Variants in CTNNB1 observed in about 807,000 individuals in gnomAD.
The protein encoded by CTNNB1 is catenin beta 1.
In CTNNB1, 6 loss-of-function variants were observed where a neutral mutation model predicts 82.5. The ratio of observed to expected loss-of-function variants is 0.07; its 90% CI spans 0.04 to 0.14. The LOEUF (loss-of-function observed/expected upper bound fraction) is 0.14, where lower values mean the gene tolerates loss of function less well. CTNNB1 is among the 10% of genes least tolerant of loss of function. The probability of loss-of-function intolerance (pLI) is 1.00; values close to 1 mark genes in which losing one functional copy is unlikely to be tolerated. For synonymous variants in CTNNB1, 312 were observed against 329.7 expected (o/e 0.95, Z 0.58); for missense variants, 529 against 980.4 (o/e 0.54, Z 6.15).
chr3:41,235,987 A>T, intron 11 of CTNNB1, 144 bp downstream of exon 11: 1 of 1,045,092 alleles, frequency 9.6e-7, no homozygotes, highest in Non-Finnish European at 1.5e-6. Flanking sequence ...TTTGGTCAGT[A>T]AGAGAAACAT....
intron 13 of CTNNB1, 143 bp downstream of exon 13, chr3:41,236,852 C>A: frequency 1.9e-6 from 2 of 1,042,448 alleles, no homozygotes; most frequent in Non-Finnish European, 2.9e-6. Flanking sequence ...TGCTGTCTAG[C>A]AACTGCTCTG....
intron 7 of CTNNB1, among the ~76,000 whole-genome samples, chr3:41,228,579 T>A (rs552828639): frequency 2.8e-4 from 43 of 152,332 alleles, no homozygotes; most frequent in African/African-American, 8.2e-4. Context: ...TCTTTTTTGC[T>A]TGTTAATTTA....
At chr3:41,231,160 T>C (rs2078297579) in intron 7 of CTNNB1, among the ~76,000 whole-genome samples, 1 of 152,026 alleles carries the variant, frequency 6.6e-6, no homozygotes, top group South Asian at 2.1e-4. Flanking sequence ...ACCCCATCTC[T>C]ACTAAAAATA....
intron 1 of CTNNB1, among the ~76,000 whole-genome samples, chr3:41,205,914 C>T (rs892627885): frequency 1.3e-5 from 2 of 152,136 alleles, no homozygotes; most frequent in Non-Finnish European, 2.9e-5. Flanking sequence ...CATGAGACTT[C>T]GTGGAACCAC....
intron 1 of CTNNB1, among the ~76,000 whole-genome samples, chr3:41,211,614 A>G (rs1284286026): frequency 6.6e-6 from 1 of 152,184 alleles, no homozygotes; most frequent in Non-Finnish European, 1.5e-5. Context: ...TCTTGTGAGA[A>G]CATGTGGCAT....
At chr3:41,235,958 A>T (rs1245832944) in intron 11 of CTNNB1, 115 bp downstream of exon 11, 6 of 1,295,326 alleles carry the variant, frequency 4.6e-6, no homozygotes, top group Admixed American at 1.7e-5. Flanking sequence ...ATTTAATTTT[A>T]TGAAAATTCC....
At chr3:41,206,634 CCT>C (rs779611157) in intron 1 of CTNNB1, among the ~76,000 whole-genome samples, 7 of 151,938 alleles carry the variant, frequency 4.6e-5, no homozygotes, top group South Asian at 2.1e-4. Context: ...AACTGTACTC[CCT>C]CTCTCTCTTT....
In CTNNB1 at chr3:41,224,008, T is replaced by C. The variant is rs1348825458; in HGVS notation, c.-48-13T>C. The C allele has an allele frequency of 2.7e-5, 43 of 1,572,404 alleles. No homozygotes were observed. The Admixed American group carries it at 7.2e-4, about 26-fold the overall frequency. The stretch of plus-strand genomic sequence containing the variant: ...AATTTAAATCCTAATGACTTTTGAT[T>C]AACTTTTTTTAGGGTATTTGAAGTA... On this transcript the variant is annotated splice_polypyrimidine_tract_variant and intron_variant, in intron 1 of 14. Coordinates refer to ENST00000349496, the MANE Select transcript of CTNNB1 (RefSeq NM_001904.4).
chr3:41,213,715 A>G (rs2077850787), intron 1 of CTNNB1, among the ~76,000 whole-genome samples: 1 of 152,200 alleles, frequency 6.6e-6, no homozygotes. Context: ...ACAAAAAAAT[A>G]TATACTACTG....
intron 1 of CTNNB1, among the ~76,000 whole-genome samples, chr3:41,219,585 C>T (rs929167130): frequency 6.6e-6 from 1 of 152,016 alleles, no homozygotes; most frequent in Admixed American, 6.5e-5. Flanking sequence ...GTAGGATGGG[C>T]GGGTGATGGT....
Position 41,234,916 on chromosome 3 carries a change from A to G in CTNNB1, c.1683+619A>G, listed in dbSNP as rs11564459. 152 of 159,406 alleles carry G rather than the reference A, an allele frequency of 9.5e-4. 2 individuals are homozygous for G. In the East Asian group the frequency reaches 0.027, roughly 29 times the overall value. 9.9% of individuals were successfully genotyped at this position (159,406 alleles called of 1,614,324 possible). A position where few individuals can be genotyped will look rare whatever the true frequency, so the allele number is the denominator to read the frequency against. On this transcript the variant is annotated intron_variant, in intron 10 of 14. Transcript: ENST00000349496. ...AGTTTAGAAAACAAAGATGGAGCCT[A>G]CCAGAACAGATGTTAGGAATCTCAT...
Position 41,234,220 on chromosome 3 carries a change from C to T in CTNNB1, c.1606C>T (p.Leu536=), listed in dbSNP as rs1306666434. 6.2e-7 allele frequency: 1 copy of T among 1,614,184 alleles called. No homozygotes were observed. The change falls in exon 10 of 15, where the codon CTA becomes TTA. Residue 536 remains leucine, a synonymous_variant. Transcript: ENST00000349496. The part of the protein sequence containing the change: ...PLREQGAIPR[L]VQLLVRAHQD... ...GCGTGAGCAGGGTGCCATTCCACGA[C>T]TAGTTCAGTTGCTTGTTCGTGCACA...
In CTNNB1 at chr3:41,233,597, C is replaced by G. The variant is rs2125639052; in HGVS notation, c.1254C>G (p.Thr418=). The change falls in exon 9 of 15, where the codon ACC becomes ACG. Residue 418 remains threonine, a synonymous_variant. Coordinates refer to ENST00000349496, the MANE Select transcript of CTNNB1 (RefSeq NM_001904.4). ...GTTCAGATGATATAAATGTGGTCAC[C>G]TGTGCAGCTGGAATTCTTTCTAACC... ...LLGSDDINVV[T]CAAGILSNLT... is the part of the protein sequence containing the mutation. 1 of 1,614,148 alleles carries G rather than the reference C, an allele frequency of 6.2e-7. No individual in the cohort carries two copies. Among genetic ancestry groups the G allele is most frequent in the Admixed American group, 1.7e-5 (1 of 60,022 alleles).
In CTNNB1 at chr3:41,236,363, C is replaced by T; in HGVS notation, c.1818C>T (p.Pro606=). 6.2e-7 allele frequency: 1 copy of T among 1,614,132 alleles called. No homozygotes were observed. Among genetic ancestry groups the T allele is most frequent in the Non-Finnish European group, 8.5e-7 (1 of 1,180,008 alleles). ...IPLFVQLLYS[P]IENIQRVAAG... is the part of the protein sequence containing the mutation. ...TTTCTCCTTAGCTGCTTTATTCTCC[C>T]ATTGAAAACATCCAAAGAGTAGCTG... is the stretch of plus-strand genomic sequence containing the variant. Residue 606 remains proline (P), a synonymous_variant, in exon 12 of 15, where the codon CCC becomes CCT. Transcript: ENST00000349496.
At chr3:41,238,306 A>AC (rs976086989) in intron 14 of CTNNB1, 1 of 564,012 alleles carries the variant, frequency 1.8e-6, no homozygotes, top group African/African-American at 1.9e-5. Context: ...AATACATGCT[A>AC]CTGCTAGGCC....
At position 41,227,200 on chromosome 3, in the gene CTNNB1, C is replaced by T. The variant is rs1462094525; in HGVS notation, c.937-8C>T. The T allele has an allele frequency of 8.1e-6, 13 of 1,599,530 alleles. No homozygotes were observed. Among genetic ancestry groups the T allele is most frequent in the Non-Finnish European group, 1.1e-5 (13 of 1,167,260 alleles). On this transcript the variant is annotated splice_region_variant and splice_polypyrimidine_tract_variant and intron_variant, in intron 6 of 14. Coordinates refer to ENST00000349496, the MANE Select transcript of CTNNB1 (RefSeq NM_001904.4). ...TGACTAACAAGATATATATATATAT[C>T]TTTCTAGCTCATCATACTGGCTAGT...
Position 41,240,273 on chromosome 3 carries a change from T to TG in CTNNB1, c.*934dup, listed in dbSNP as rs1181325624. ...TTCATGTTTTTGATCAAAAACTATT[T>TG]GGGATATGTATGGGTAGGGTAAATC... On this transcript the variant is annotated 3_prime_UTR_variant, in exon 15 of 15. Coordinates refer to ENST00000349496, the MANE Select transcript of CTNNB1 (RefSeq NM_001904.4). 2 of 193,508 alleles carry TG rather than the reference T, an allele frequency of 1.0e-5. No individual in the cohort carries two copies. The highest frequency in any genetic ancestry group is 4.6e-5 in the African/African-American group (2 of 43,214). 12.0% of individuals were successfully genotyped at this position (193,508 alleles called of 1,614,324 possible). A position where few individuals can be genotyped will look rare whatever the true frequency, so the allele number is the denominator to read the frequency against.
intron 1 of CTNNB1, among the ~76,000 whole-genome samples, chr3:41,210,185 G>A (rs2077745877): frequency 6.6e-6 from 1 of 151,990 alleles, no homozygotes; most frequent in South Asian, 2.1e-4. Flanking sequence ...CAGGCGCGGT[G>A]GCTCACGCCT....
At chr3:41,229,708 C>T (rs1486861081) in intron 7 of CTNNB1, among the ~76,000 whole-genome samples, 1 of 151,980 alleles carries the variant, frequency 6.6e-6, no homozygotes, top group Admixed American at 6.6e-5. Flanking sequence ...CAGTGTTTTG[C>T]CCTGATATTC....
Sources: gnomAD v4.1 joint callset for allele counts (sites outside exome capture counted in the v4.1 genomes callset) on GRCh38, gnomAD v4.1.1 for gene constraint, MANE v1.5 for transcripts, NCBI Gene and HGNC (gene_info 2026-07-23, HGNC 2026-07-21) for gene names.